The following HABP4 variants were observed in gnomAD, a reference collection of about 807,000 sequenced individuals.
HABP4 encodes the protein hyaluronan binding protein 4.
A neutral mutation model predicts 44.1 loss-of-function variants in HABP4; 32 were observed. The observed-to-expected ratio is 0.73, with a 90% CI of 0.55 to 0.97. The LOEUF (loss-of-function observed/expected upper bound fraction) is 0.97. Among genes scored for constraint, HABP4 ranks in the 50% least tolerant of loss-of-function variants. The pLI is 0.00. For synonymous variants in HABP4, 216 were observed against 218.0 expected, an observed-to-expected ratio of 0.99 and a Z score of 0.08; for missense variants, 503 against 561.9, an observed-to-expected ratio of 0.90 and a Z score of 1.06.
At chr9:96,486,526 A>G (rs980668309) in intron 6 of HABP4, among the ~76,000 whole-genome samples, 1 of 152,142 alleles carries the variant, frequency 6.6e-6, no homozygotes, top group African/African-American at 2.4e-5. Context: ...CTTAATCCAC[A>G]CCAGATTTGT....
intron 4 of HABP4, among the ~76,000 whole-genome samples, chr9:96,469,812 C>T (rs947431275): frequency 1.2e-4 from 18 of 152,060 alleles, no homozygotes; most frequent in Non-Finnish European, 2.2e-4. Context: ...TGAGCCACCG[C>T]GCCCGGATGA....
At chr9:96,475,411 GAAA>G (rs1362475522) in intron 5 of HABP4, among the ~76,000 whole-genome samples, 1 of 131,826 alleles carries the variant, frequency 7.6e-6, no homozygotes, top group Non-Finnish European at 1.6e-5. Flanking sequence ...AAAAAAAGAA[GAAA>G]AAGAATAACA....
At chr9:96,474,761 C>G (rs1473477336) in intron 5 of HABP4, among the ~76,000 whole-genome samples, 1 of 152,128 alleles carries the variant, frequency 6.6e-6, no homozygotes, top group African/African-American at 2.4e-5. Context: ...TAGCGATGCT[C>G]TCTGGTGTCA....
chr9:96,453,455 C>T (rs560184856), intron 1 of HABP4, among the ~76,000 whole-genome samples: 2 of 152,208 alleles, frequency 1.3e-5, no homozygotes, highest in South Asian at 2.1e-4. Context: ...AGGTGATCCG[C>T]CCGCCTCAGC....
At chr9:96,485,449 A>G (rs955924463) in intron 6 of HABP4, among the ~76,000 whole-genome samples, 1 of 152,218 alleles carries the variant, frequency 6.6e-6, no homozygotes, top group Admixed American at 6.5e-5. Flanking sequence ...GCCTAACTGC[A>G]GACGTGGCGG....
intron 1 of HABP4, among the ~76,000 whole-genome samples, chr9:96,453,146 A>T (rs1259473745): frequency 1.4e-5 from 2 of 139,102 alleles, no homozygotes; most frequent in Admixed American, 1.6e-4. Context: ...GACTCACTGC[A>T]ACCTCTGCCT....
chr9:96,450,273 CG>C lies in HABP4; in HGVS notation c.-5del, dbSNP rs1357262756. 1 of 1,435,058 alleles carries C rather than the reference CG, an allele frequency of 7.0e-7. No individual in the cohort carries two copies. The highest frequency in any genetic ancestry group is 1.3e-5 in the South Asian group (1 of 74,884). The allele number at this position is 1,435,058 out of a possible 1,614,324, so 88.9% of individuals were successfully genotyped here. A position where few individuals can be genotyped will look rare whatever the true frequency, so the allele number is the denominator to read the frequency against. On this transcript the variant is annotated 5_prime_UTR_variant, in exon 1 of 8. Transcript: ENST00000375249. The surrounding 1 kb of genome is among the most constrained non-coding windows in gnomAD (Gnocchi z 4.8). ...TGCCCTCCCGGGCCCGCAGTGGTCG[CG>C]GCGGCATGAAGGGCGCTCTGGGGAG...
chr9:96,450,151 G>A, upstream of HABP4: 1 of 979,682 alleles, frequency 1.0e-6, no homozygotes, highest in East Asian at 4.7e-5. This position sits in a 1 kb window ranked among gnomAD's most constrained non-coding sequence, Gnocchi z 4.8. Context: ...GCGGGCGCCG[G>A]TAGGGGCCGG....
intron 5 of HABP4, 172 bp from the exon 6 acceptor site, chr9:96,484,290 T>C (rs1166602643): frequency 1.9e-6 from 1 of 534,644 alleles, no homozygotes; most frequent in Non-Finnish European, 3.3e-6. Flanking sequence ...TGACATAAAA[T>C]GTTGAAAATG....
chr9:96,485,347 G>T (rs1832955429), intron 6 of HABP4, among the ~76,000 whole-genome samples: 2 of 152,206 alleles, frequency 1.3e-5, no homozygotes, highest in Non-Finnish European at 2.9e-5. Context: ...CACTGCACCT[G>T]GCCGAGTAGT....
chr9:96,459,702 C>T (rs1832466623), intron 2 of HABP4, among the ~76,000 whole-genome samples: 1 of 151,970 alleles, frequency 6.6e-6, no homozygotes, highest in Non-Finnish European at 1.5e-5. Context: ...CAAGTTTTAA[C>T]CAAAAAATGT....
At chr9:96,484,320 TCAAAG>T in intron 5 of HABP4, 137 bp from the exon 6 acceptor site, 1 of 548,710 alleles carries the variant, frequency 1.8e-6, no homozygotes, top group Non-Finnish European at 3.2e-6. Context: ...AGCTTGTGAG[TCAAAG>T]ATTTCCTTAC....
chr9:96,470,563 G>A (rs943054685), intron 4 of HABP4, among the ~76,000 whole-genome samples: 1 of 152,082 alleles, frequency 6.6e-6, no homozygotes, highest in African/African-American at 2.4e-5. Context: ...AGTCTTTTCT[G>A]TTATTGTAGT....
intron 5 of HABP4, among the ~76,000 whole-genome samples, chr9:96,478,277 C>T (rs925723783): frequency 7.2e-5 from 11 of 151,790 alleles, no homozygotes; most frequent in Admixed American, 2.0e-4. Context: ...GGATTACAGG[C>T]GCCCGCCACT....
At chr9:96,484,094 A>T (rs1321797252) in intron 5 of HABP4, 1 of 160,784 alleles carries the variant, frequency 6.2e-6, no homozygotes, top group Non-Finnish European at 1.4e-5. Flanking sequence ...CTGCTTTAAA[A>T]CTTGTTTATG....
chr9:96,471,071 C>A lies in HABP4; in HGVS notation c.804C>A (p.Thr268=). Residue 268 remains threonine, a synonymous_variant, in exon 5 of 8, where the codon ACC becomes ACA. Coordinates refer to ENST00000375249, the MANE Select transcript of HABP4 (RefSeq NM_014282.4). ...CAGTGGTGGAGGAGTCCCAGGGCACCCCGGAAGAGGAGTCTCCAGCCAAGT... is the reference window on the plus strand; with the variant it reads ...CAGTGGTGGAGGAGTCCCAGGGCACACCGGAAGAGGAGTCTCCAGCCAAGT... ...EPTVVEESQG[T]PEEESPAKVP... 1 of 1,593,432 alleles carries A rather than the reference C, an allele frequency of 6.3e-7. No homozygotes were observed. The highest frequency in any genetic ancestry group is 1.1e-5 in the South Asian group (1 of 90,678).
chr9:96,486,250 C>T (rs1294476475), intron 6 of HABP4, among the ~76,000 whole-genome samples: 1 of 152,124 alleles, frequency 6.6e-6, no homozygotes, highest in Non-Finnish European at 1.5e-5. Flanking sequence ...TTGGTCAGTC[C>T]AAGCTGTAGG....
At chr9:96,473,350 T>C (rs1396971927) in intron 5 of HABP4, among the ~76,000 whole-genome samples, 2 of 152,202 alleles carry the variant, frequency 1.3e-5, no homozygotes, top group Non-Finnish European at 2.9e-5. Flanking sequence ...GAGTCATCCT[T>C]GGAACTTCTG....
intron 6 of HABP4, among the ~76,000 whole-genome samples, chr9:96,486,201 CA>C (rs200355335): frequency 8.6e-5 from 13 of 150,950 alleles, no homozygotes; most frequent in African/African-American, 2.4e-4. Flanking sequence ...CCAAACAAAA[CA>C]AAAAAAAAGA....
Sources: gnomAD v4.1 joint callset for allele counts (sites outside exome capture counted in the v4.1 genomes callset) on GRCh38, gnomAD v4.1.1 for gene constraint, Gnocchi (gnomAD v3.1) non-coding constraint, MANE v1.5 for transcripts, NCBI Gene and HGNC (gene_info 2026-07-23, HGNC 2026-07-21) for gene names.